The following ZFAT variants were observed in gnomAD, a reference collection of about 807,000 sequenced individuals.
The protein encoded by ZFAT is zinc finger and AT-hook domain containing.
A neutral mutation model predicts 117.7 loss-of-function variants in ZFAT; 64 were observed. That is an observed-to-expected ratio of 0.54 (90% confidence interval 0.44 to 0.67). ZFAT has a LOEUF of 0.67. Ranked by LOEUF, ZFAT falls within the 30% of genes least tolerant of loss-of-function variation. The pLI is 0.00. For synonymous variants in ZFAT, 679 were observed against 615.0 expected, an observed-to-expected ratio of 1.10 and a Z score of -1.54; for missense variants, 1,433 against 1,584.5, an observed-to-expected ratio of 0.90 and a Z score of 1.62.
At chr8:134,597,975 C>A (rs1377996080) in intron 7 of ZFAT, 1 of 152,288 alleles carries the variant, frequency 6.6e-6, no homozygotes, top group Non-Finnish European at 1.5e-5. Flanking sequence ...AGCACAACTG[C>A]CACTTAACAG....
At chr8:134,703,173 CT>C (rs1834060832) in intron 1 of ZFAT, among the ~76,000 whole-genome samples, 1 of 152,152 alleles carries the variant, frequency 6.6e-6, no homozygotes, top group African/African-American at 2.4e-5. Context: ...TTGGGATTGT[CT>C]TTTTAATTTT....
At chr8:134,663,636 G>T (rs2131229284) in intron 1 of ZFAT, among the ~76,000 whole-genome samples, 1 of 152,238 alleles carries the variant, frequency 6.6e-6, no homozygotes, top group South Asian at 2.1e-4. Flanking sequence ...TACTCGAGAG[G>T]CTGAGGAAGG....
intron 1 of ZFAT, among the ~76,000 whole-genome samples, chr8:134,706,226 C>G (rs1834149120): frequency 6.6e-6 from 1 of 152,216 alleles, no homozygotes; most frequent in Admixed American, 6.5e-5. Flanking sequence ...ACATTCACTG[C>G]AGCTTTATTC....
At chr8:134,583,611 C>T (rs1038880380) in intron 10 of ZFAT, among the ~76,000 whole-genome samples, 5 of 149,822 alleles carry the variant, frequency 3.3e-5, no homozygotes, top group Admixed American at 6.6e-5. Context: ...CCACTGGCAC[C>T]GACACACCCA....
chr8:134,514,659 G>T (rs1473661869), intron 13 of ZFAT, among the ~76,000 whole-genome samples: 2 of 152,042 alleles, frequency 1.3e-5, no homozygotes, highest in African/African-American at 4.8e-5. Flanking sequence ...GGTGACAGAG[G>T]ATTCAAAGTT....
the ZFAT span, among the ~76,000 whole-genome samples, chr8:134,814,431 T>C: frequency 6.6e-6 from 1 of 152,218 alleles, no homozygotes; most frequent in East Asian, 1.9e-4. Flanking sequence ...CTATTTAAAA[T>C]AAGACATGCT....
At chr8:134,731,303 C>A in the ZFAT span, among the ~76,000 whole-genome samples, 2 of 152,198 alleles carry the variant, frequency 1.3e-5, no homozygotes, top group Non-Finnish European at 2.9e-5. Context: ...AACTTCATAG[C>A]AGGTTACTCA....
chr8:134,521,126 A>G (rs1013826814), intron 12 of ZFAT, 125 bp from the exon 13 acceptor site: 5 of 653,476 alleles, frequency 7.7e-6, no homozygotes, highest in African/African-American at 5.5e-5. Context: ...ACTTGTATTC[A>G]ATTCAAGCTT....
chr8:134,531,451 G>T (rs1821396948), intron 12 of ZFAT, among the ~76,000 whole-genome samples: 1 of 152,150 alleles, frequency 6.6e-6, no homozygotes, highest in Admixed American at 6.5e-5. Context: ...ATTCCTAGAT[G>T]TTCCGAAAAA....
intron 3 of ZFAT, among the ~76,000 whole-genome samples, chr8:134,634,998 G>C (rs1830116904): frequency 6.6e-6 from 1 of 152,214 alleles, no homozygotes; most frequent in African/African-American, 2.4e-5. Context: ...GGCATGTGCA[G>C]TTTACAATAG....
At chr8:134,553,206 T>C (rs377695979) in intron 11 of ZFAT, among the ~76,000 whole-genome samples, 3 of 152,140 alleles carry the variant, frequency 2.0e-5, no homozygotes, top group Non-Finnish European at 2.9e-5. Context: ...GTGGGAGACA[T>C]ACCTGGTAAA....
chr8:134,504,782 TG>T (rs1380846934), intron 15 of ZFAT, among the ~76,000 whole-genome samples: 1 of 152,136 alleles, frequency 6.6e-6, no homozygotes, highest in Non-Finnish European at 1.5e-5. Flanking sequence ...TTGGAATCCT[TG>T]GCCCATGTTA....
At chr8:134,699,450 T>C (rs1198506468) in intron 1 of ZFAT, among the ~76,000 whole-genome samples, 3 of 152,210 alleles carry the variant, frequency 2.0e-5, no homozygotes, top group African/African-American at 4.8e-5. Context: ...GCCATGACTC[T>C]GCCCTGCTGA....
the ZFAT span, among the ~76,000 whole-genome samples, chr8:134,754,558 A>G: frequency 6.6e-6 from 1 of 152,240 alleles, no homozygotes; most frequent in Non-Finnish European, 1.5e-5. Context: ...TCCCTCAAAC[A>G]GATATTAAGA....
intron 3 of ZFAT, among the ~76,000 whole-genome samples, chr8:134,618,612 C>T (rs1410943366): frequency 1.3e-5 from 2 of 152,116 alleles, no homozygotes; most frequent in South Asian, 2.1e-4. Flanking sequence ...TTTCTGTCTC[C>T]AATACAAAGT....
chr8:134,521,130 C>A (rs1469631925), intron 12 of ZFAT, 129 bp from the exon 13 acceptor site: 1 of 610,142 alleles, frequency 1.6e-6, no homozygotes. Context: ...GTATTCAATT[C>A]AAGCTTACCT....
intron 11 of ZFAT, among the ~76,000 whole-genome samples, chr8:134,553,598 C>G (rs772393789): frequency 6.6e-6 from 1 of 152,146 alleles, no homozygotes; most frequent in Non-Finnish European, 1.5e-5. Context: ...GAACATGCCA[C>G]AGGCACCAAG....
chr8:134,563,754 G>T (rs1284472826), intron 11 of ZFAT, among the ~76,000 whole-genome samples: 1 of 152,160 alleles, frequency 6.6e-6, no homozygotes, highest in Admixed American at 6.5e-5. Flanking sequence ...GTGCCTGCAC[G>T]CAATGGATGT....
intron 12 of ZFAT, among the ~76,000 whole-genome samples, chr8:134,528,704 C>T (rs1218712245): frequency 4.6e-5 from 7 of 152,230 alleles, no homozygotes; most frequent in Admixed American, 3.9e-4. Flanking sequence ...CTGGGGGACA[C>T]AGCCCTCTGG....
Sources: allele counts gnomAD v4.1 joint callset (sites outside exome capture counted in the v4.1 genomes callset), GRCh38; gene constraint gnomAD v4.1.1; transcripts MANE v1.5; gene names NCBI Gene and HGNC (gene_info 2026-07-23, HGNC 2026-07-21).